Variants in DAZL observed in about 807,000 individuals in gnomAD.
DAZL encodes deleted in azoospermia-like.
A neutral mutation model predicts 45.0 loss-of-function variants in DAZL; 4 were observed. The ratio of observed to expected loss-of-function variants is 0.09; its 90% CI spans 0.04 to 0.20. The LOEUF is 0.20. Ranked by LOEUF, DAZL falls within the 10% of genes least tolerant of loss-of-function variation. DAZL has a pLI of 1.00. For synonymous variants in DAZL, 122 were observed against 112.4 expected (o/e 1.09, Z -0.54); for missense variants, 326 against 351.3 (o/e 0.93, Z 0.58).
rs561203219 is a variant in DAZL at position 16,588,229 on chromosome 3, A to G, written c.*431T>C. The G allele has an allele frequency of 4.1e-5, 7 of 169,800 alleles. No homozygotes were observed. In the South Asian group the frequency reaches 1.2e-3, roughly 28 times the overall value. The allele number at this position is 169,800 out of a possible 1,614,324, so 10.5% of individuals were successfully genotyped here. ...TTTGTGGTAAATTTCTGGAGAAATC[A>G]TAAATGCAAAGCTCAATACTGTAAA... On this transcript the variant is annotated 3_prime_UTR_variant, in exon 11 of 11. Coordinates refer to ENST00000399444, the MANE Select transcript of DAZL (RefSeq NM_001351.4).
In DAZL at chr3:16,588,130, G is replaced by C. The variant is rs1439744079; in HGVS notation, c.*530C>G. On this transcript the variant is annotated 3_prime_UTR_variant, in exon 11 of 11. Coordinates refer to ENST00000399444, the MANE Select transcript of DAZL (RefSeq NM_001351.4). ...CTTTGAATCTGTTTTGCTGGGTTTA[G>C]ATAAGAAGACTTCAATAAAGCTAAC... The C allele has an allele frequency of 6.0e-6, 1 of 165,944 alleles. No homozygotes were observed. Among genetic ancestry groups the C allele is most frequent in the African/African-American group, 2.4e-5 (1 of 41,592 alleles). The allele number at this position is 165,944 out of a possible 1,614,324, so 10.3% of individuals were successfully genotyped here.
At position 16,588,832 on chromosome 3, in the gene DAZL, G is replaced by GA. The variant is rs1694476604; in HGVS notation, c.835-120dup. On this transcript the variant is annotated intron_variant, in intron 10 of 10. Transcript: ENST00000399444. ...TGGGTTTAAACATTATAAATAATGA[G>GA]AAAAAAGATTATTCTTTTTGAGAAG... 12 of 777,598 alleles carry GA rather than the reference G, an allele frequency of 1.5e-5. No homozygotes were observed. The East Asian group carries it at 2.1e-4, about 14-fold the overall frequency. 48.2% of individuals were successfully genotyped at this position (777,598 alleles called of 1,614,324 possible).
At position 16,604,723 on chromosome 3, in the gene DAZL, G is replaced by A. The variant is rs547538365; in HGVS notation, c.3+480C>T. On this transcript the variant is annotated intron_variant, in intron 1 of 10. Transcript: ENST00000399444. ...AGGCAAGTCCCTCAGCAGGCCCGCCGCCATCTTGCGGAGCCACGGGGAGAG... is the reference window on the plus strand; with the variant it reads ...AGGCAAGTCCCTCAGCAGGCCCGCCACCATCTTGCGGAGCCACGGGGAGAG... 3.6e-3 allele frequency: 4,908 copies of A among 1,354,690 alleles called. 11 individuals carry two copies. Among genetic ancestry groups the A allele is most frequent in the Non-Finnish European group, 4.2e-3 (4,488 of 1,059,424 alleles). The allele number at this position is 1,354,690 out of a possible 1,614,324, so 83.9% of individuals were successfully genotyped here.
chr3:16,592,702 G>T (rs1411957875), intron 9 of DAZL, among the ~76,000 whole-genome samples: 1 of 152,082 alleles, frequency 6.6e-6, no homozygotes, highest in African/African-American at 2.4e-5. Flanking sequence ...AGCTGAATTT[G>T]TTAAATCCCT....
chr3:16,599,656 A>C (rs949462999), intron 1 of DAZL, among the ~76,000 whole-genome samples: 2 of 152,232 alleles, frequency 1.3e-5, no homozygotes, highest in African/African-American at 4.8e-5. Context: ...CAGATAAAGA[A>C]ACACACATAT....
At chr3:16,600,773 T>G (rs999069481) in intron 1 of DAZL, among the ~76,000 whole-genome samples, 1 of 152,244 alleles carries the variant, frequency 6.6e-6, no homozygotes, top group Non-Finnish European at 1.5e-5. Flanking sequence ...CAGTATTGTC[T>G]CTGCATCACA....
intron 1 of DAZL, among the ~76,000 whole-genome samples, chr3:16,600,487 A>G (rs910508781): frequency 1.3e-5 from 2 of 152,210 alleles, no homozygotes; most frequent in African/African-American, 2.4e-5. Flanking sequence ...AGAAAAATTT[A>G]AAAACTATTT....
At chr3:16,602,870 C>A (rs940221524) in intron 1 of DAZL, among the ~76,000 whole-genome samples, 1 of 152,136 alleles carries the variant, frequency 6.6e-6, no homozygotes, top group Admixed American at 6.5e-5. Flanking sequence ...AAGGTAAGGG[C>A]ACCTCCTTAT....
At chr3:16,604,332 T>C (rs1575421494) in intron 1 of DAZL, 7 of 1,025,584 alleles carry the variant, frequency 6.8e-6, no homozygotes, top group African/African-American at 3.2e-5. Context: ...CCCAACGCTA[T>C]CTACCAAATG....
intron 1 of DAZL, among the ~76,000 whole-genome samples, chr3:16,600,120 T>C (rs1026964846): frequency 7.9e-5 from 12 of 152,176 alleles, no homozygotes; most frequent in African/African-American, 2.9e-4. Flanking sequence ...TAAAAATCAT[T>C]GGTGAAGTGC....
intron 1 of DAZL, chr3:16,604,824 G>C (rs1694751370): frequency 9.6e-7 from 1 of 1,044,654 alleles, no homozygotes; most frequent in Non-Finnish European, 1.3e-6. Flanking sequence ...GTGGGGGAGC[G>C]CGTGGGAGTG....
intron 1 of DAZL, among the ~76,000 whole-genome samples, chr3:16,603,543 C>T (rs749075924): frequency 2.7e-5 from 4 of 146,402 alleles, no homozygotes; most frequent in Non-Finnish European, 6.0e-5. Flanking sequence ...GATGGGGTTT[C>T]GCCGTATTAG....
chr3:16,590,407 T>TAC (rs1694500230), intron 10 of DAZL, among the ~76,000 whole-genome samples: 1 of 151,910 alleles, frequency 6.6e-6, no homozygotes, highest in Non-Finnish European at 1.5e-5. Flanking sequence ...AAAGCTAGTC[T>TAC]TTCTGTTTTA....
Position 16,598,589 on chromosome 3 carries a change from T to G in DAZL, c.13A>C (p.Asn5His), listed in dbSNP as rs200367943. The change falls in exon 2 of 11, where the codon AAT becomes CAT. Residue 5 changes from asparagine to histidine, a missense_variant. Physicochemically the swap from Asn to His is moderately conservative, Grantham distance 68. Coordinates refer to ENST00000399444, the MANE Select transcript of DAZL (RefSeq NM_001351.4). MSTA[N>H]PETPNSTISR... ...ATGGTTGAGTTTGGAGTTTCAGGAT[T>G]TGCAGTAGACTGTAATTTGGAAAGT... 6.3e-7 allele frequency: 1 copy of G among 1,596,724 alleles called. No homozygotes were observed. The highest frequency in any genetic ancestry group is 2.2e-5 in the East Asian group (1 of 44,556).
Position 16,598,586 on chromosome 3 carries a change from G to C in DAZL, c.16C>G (p.Pro6Ala). 2 of 1,597,126 alleles carry C rather than the reference G, an allele frequency of 1.3e-6. No individual in the cohort carries two copies. The highest frequency in any genetic ancestry group is 1.7e-6 in the Non-Finnish European group (2 of 1,177,804). MSTAN[P>A]ETPNSTISRE... ...GAGATGGTTGAGTTTGGAGTTTCAG[G>C]ATTTGCAGTAGACTGTAATTTGGAA... The change falls in exon 2 of 11, where the codon CCT (proline) becomes GCT (alanine). Residue 6 changes from proline (P) to alanine (A), a missense_variant. By Grantham distance (27) the Pro-to-Ala change is conservative. This residue lies in a region of DAZL where 81 missense variants were observed against 89.6 expected (regional missense o/e 0.90). Coordinates refer to ENST00000399444, the MANE Select transcript of DAZL (RefSeq NM_001351.4).
Position 16,597,479 on chromosome 3 carries a change from A to G in DAZL, c.294+11T>C. On this transcript the variant is annotated intron_variant, in intron 4 of 10. Coordinates refer to ENST00000399444, the MANE Select transcript of DAZL (RefSeq NM_001351.4). ...ATTAAACAAATGAGATTTTTCTATTAGATTACTTACTTCTACTATCTTCTG... is the reference window on the plus strand; with the variant it reads ...ATTAAACAAATGAGATTTTTCTATTGGATTACTTACTTCTACTATCTTCTG... 6.8e-7 allele frequency: 1 copy of G among 1,464,160 alleles called. No homozygotes were observed. The highest frequency in any genetic ancestry group is 9.6e-7 in the Non-Finnish European group (1 of 1,043,728). 90.7% of individuals were successfully genotyped at this position (1,464,160 alleles called of 1,614,324 possible).
intron 1 of DAZL, 120 bp downstream of exon 1, chr3:16,605,083 C>T (rs1575421954): frequency 2.3e-6 from 3 of 1,288,322 alleles, no homozygotes; most frequent in South Asian, 2.4e-5. Flanking sequence ...TGCGTCCAGG[C>T]AGGTGCCCCC....
rs764269065 is a variant in DAZL at position 16,605,243 on chromosome 3, G to A, written c.-38C>T. The A allele has an allele frequency of 2.6e-5, 42 of 1,613,940 alleles. No individual in the cohort carries two copies. Among genetic ancestry groups the A allele is most frequent in the Non-Finnish European group, 3.2e-5 (38 of 1,179,880 alleles). On this transcript the variant is annotated 5_prime_UTR_variant, in exon 1 of 11. Transcript: ENST00000399444. ...CAGCAGTTCCCGACCGGCTCCAGGA[G>A]GAGCAGAGGCTGTGCTTGGCGCACC...
At chr3:16,605,128 A>T in intron 1 of DAZL, 75 bp downstream of exon 1, 1 of 1,589,394 alleles carries the variant, frequency 6.3e-7, no homozygotes. Flanking sequence ...TCACTTTCCG[A>T]CCCTGCAGAG....
Sources: gnomAD v4.1 joint callset for allele counts (sites outside exome capture counted in the v4.1 genomes callset) on GRCh38, gnomAD v4.1.1 for gene constraint, gnomAD v4.1.1 regional missense constraint, MANE v1.5 for transcripts, NCBI Gene and HGNC (gene_info 2026-07-23, HGNC 2026-07-21) for gene names.